GPR158: variants seen among roughly 807,000 people sequenced by gnomAD.
GPR158 encodes the protein G protein-coupled receptor 158.
In GPR158, 30 loss-of-function variants were observed where a neutral mutation model predicts 78.2. The observed-to-expected ratio is 0.38, with a 90% CI of 0.29 to 0.52. The LOEUF is 0.52. Ranked by LOEUF, GPR158 falls within the 20% of genes least tolerant of loss-of-function variation. GPR158 has a pLI of 0.83. For missense variants in GPR158, 1,463 were observed against 1,523.5 expected (o/e 0.96, Z 0.66); for synonymous variants, 581 against 591.1 (o/e 0.98, Z 0.25).
In GPR158 at chr10:25,589,007, C is replaced by A; in HGVS notation, c.1754C>A (p.Ala585Asp). 6.5e-7 allele frequency: 1 copy of A among 1,543,976 alleles called. No individual in the cohort carries two copies. The highest frequency in any genetic ancestry group is 1.2e-5 in the South Asian group (1 of 80,366). The part of the protein sequence containing the change: ...IDRWDYMTAV[A>D]EFLFLLWGVY... ...TGAAAATGGTTTGTTATTTTCACAG[C>A]TGAATTTTTATTCCTCTTGTGGGGT... The change falls in exon 8 of 11, where the codon GCT becomes GAT. Residue 585 changes from alanine (A) to aspartate (D), a missense_variant and splice_region_variant. Coordinates refer to ENST00000376351, the MANE Select transcript of GPR158 (RefSeq NM_020752.3).
intron 2 of GPR158, among the ~76,000 whole-genome samples, chr10:25,313,824 C>T (rs1429186293): frequency 6.6e-6 from 1 of 152,030 alleles, no homozygotes; most frequent in African/African-American, 2.4e-5. Flanking sequence ...CTGTTTTGCA[C>T]TTTATTGTTA....
chr10:25,476,895 C>CT (rs959414387), intron 5 of GPR158, among the ~76,000 whole-genome samples: 1 of 152,018 alleles, frequency 6.6e-6, no homozygotes, highest in Non-Finnish European at 1.5e-5. Context: ...GGGTTTGGTT[C>CT]TAAGACTAAA....
chr10:25,430,215 T>C (rs1459020467), intron 4 of GPR158, among the ~76,000 whole-genome samples: 2,096 of 152,058 alleles, frequency 0.014, 42 homozygotes, highest in African/African-American at 0.048. Context: ...TATACACCAA[T>C]AACAGACAAA....
At chr10:25,404,899 C>A (rs1834491286) in intron 3 of GPR158, among the ~76,000 whole-genome samples, 1 of 151,976 alleles carries the variant, frequency 6.6e-6, no homozygotes, top group Non-Finnish European at 1.5e-5. Flanking sequence ...GATCTCCAGA[C>A]CATGATGGCA....
At chr10:25,185,258 A>C (rs996306747) in intron 1 of GPR158, among the ~76,000 whole-genome samples, 4 of 152,198 alleles carry the variant, frequency 2.6e-5, no homozygotes, top group African/African-American at 9.7e-5. Flanking sequence ...CTGTGTGTGC[A>C]TATATTTATG....
intron 2 of GPR158, among the ~76,000 whole-genome samples, chr10:25,379,008 CT>C (rs1410312427): frequency 6.6e-6 from 1 of 152,064 alleles, no homozygotes; most frequent in African/African-American, 2.4e-5. Flanking sequence ...CCAGGCTGGT[CT>C]CAAAGTCCAG....
chr10:25,549,754 C>A (rs959893144), intron 5 of GPR158, among the ~76,000 whole-genome samples: 2 of 152,042 alleles, frequency 1.3e-5, no homozygotes, highest in African/African-American at 2.4e-5. Context: ...TTGAGAAATG[C>A]CAGGGGAGTT....
chr10:25,475,180 A>G (rs7085469), intron 5 of GPR158, among the ~76,000 whole-genome samples: 5,313 of 152,222 alleles, frequency 0.035, 324 homozygotes, highest in African/African-American at 0.12. Flanking sequence ...ATTGACCTGT[A>G]CTTATGGTGA....
At chr10:25,591,495 T>C (rs1310508322) in intron 8 of GPR158, among the ~76,000 whole-genome samples, 2 of 152,154 alleles carry the variant, frequency 1.3e-5, no homozygotes, top group African/African-American at 2.4e-5. Context: ...TTGGTTCTTA[T>C]AGACACACAC....
chr10:25,393,973 T>C lies in GPR158; in HGVS notation c.1009-1938T>C, dbSNP rs537412773. On this transcript the variant is annotated intron_variant, in intron 2 of 10. Transcript: ENST00000376351. ...TACAGCCCAGACATCTCTTCTAAAC[T>C]TCATACTAGTTTATCAAACTACCTA... The C allele has an allele frequency of 2.6e-5, 4 of 152,320 alleles. 1 individual carries two copies. The highest frequency in any genetic ancestry group is 9.6e-5 in the African/African-American group (4 of 41,578). 9.4% of individuals were successfully genotyped at this position (152,320 alleles called of 1,614,324 possible). A position where few individuals can be genotyped will look rare whatever the true frequency, so the allele number is the denominator to read the frequency against.
chr10:25,200,802 G>A (rs1439198866), intron 1 of GPR158, among the ~76,000 whole-genome samples: 1 of 151,392 alleles, frequency 6.6e-6, no homozygotes, highest in Non-Finnish European at 1.5e-5. Flanking sequence ...GATGGTTGTA[G>A]GTATGTGGCA....
At chr10:25,398,246 C>T (rs751407031) in intron 3 of GPR158, among the ~76,000 whole-genome samples, 3 of 152,166 alleles carry the variant, frequency 2.0e-5, no homozygotes, top group Non-Finnish European at 2.9e-5. Flanking sequence ...ACATCTTAAG[C>T]CCCTAAACTT....
chr10:25,509,409 T>A (rs1836054956), intron 5 of GPR158, among the ~76,000 whole-genome samples: 2 of 152,194 alleles, frequency 1.3e-5, no homozygotes, highest in South Asian at 4.2e-4. Flanking sequence ...AATCTGTGGG[T>A]CAATAATTCT....
chr10:25,524,708 T>G (rs1293429736), intron 5 of GPR158, among the ~76,000 whole-genome samples: 2 of 152,136 alleles, frequency 1.3e-5, no homozygotes, highest in Admixed American at 1.3e-4. Flanking sequence ...GATATAAATT[T>G]TTATGACCTT....
At chr10:25,511,188 C>T (rs1320994123) in intron 5 of GPR158, among the ~76,000 whole-genome samples, 1 of 151,950 alleles carries the variant, frequency 6.6e-6, no homozygotes, top group African/African-American at 2.4e-5. Flanking sequence ...CCCTTTTTGC[C>T]ACATCCCTGC....
At chr10:25,192,305 C>A (rs971764561) in intron 1 of GPR158, among the ~76,000 whole-genome samples, 2 of 152,142 alleles carry the variant, frequency 1.3e-5, no homozygotes, top group Non-Finnish European at 2.9e-5. Context: ...CTGAGGCCTC[C>A]CCAGCCAAAT....
chr10:25,488,591 A>C (rs1289296494), intron 5 of GPR158, among the ~76,000 whole-genome samples: 1 of 152,180 alleles, frequency 6.6e-6, no homozygotes, highest in Non-Finnish European at 1.5e-5. Flanking sequence ...CTGATTATGT[A>C]ACTCACAATA....
chr10:25,419,050 A>G (rs1361251275), intron 4 of GPR158, among the ~76,000 whole-genome samples: 1 of 152,088 alleles, frequency 6.6e-6, no homozygotes, highest in Non-Finnish European at 1.5e-5. Context: ...GGTAAAATAA[A>G]GTTAGGTATG....
Position 25,470,989 on chromosome 10 carries a change from AG to A in GPR158, c.1404+4273del, listed in dbSNP as rs550324827. ...TAATTATTATTATACTTTAAGTTCTAGGGTACATATGCACAATGTGCAGGAT... is the reference window on the plus strand; with the variant it reads ...TAATTATTATTATACTTTAAGTTCTAGGTACATATGCACAATGTGCAGGAT... On this transcript the variant is annotated intron_variant, in intron 5 of 10. Coordinates refer to ENST00000376351, the MANE Select transcript of GPR158 (RefSeq NM_020752.3). Among the ~76,000 whole-genome samples the A allele has an allele frequency of 2.7e-3, 409 of 151,952 alleles. 1 individual carries two copies. Among genetic ancestry groups the A allele is most frequent in the African/African-American group, 9.3e-3 (384 of 41,390 alleles).
Sources: allele counts gnomAD v4.1 joint callset (sites outside exome capture counted in the v4.1 genomes callset), GRCh38; gene constraint gnomAD v4.1.1; transcripts MANE v1.5; gene names NCBI Gene and HGNC (gene_info 2026-07-23, HGNC 2026-07-21).